RBFOX1: variants seen among roughly 807,000 people sequenced by gnomAD.
RBFOX1 encodes the protein RNA binding fox-1 homolog 1.
Under a neutral mutation model 57.7 loss-of-function variants are expected in RBFOX1, and 8 were observed. The observed-to-expected ratio is 0.14, with a 90% CI of 0.08 to 0.25. The LOEUF (loss-of-function observed/expected upper bound fraction) is 0.25, where lower values mean the gene tolerates loss of function less well. RBFOX1 is among the 10% of genes least tolerant of loss of function. The pLI, the probability that RBFOX1 is intolerant of heterozygous loss-of-function variation, is 1.00. For synonymous variants in RBFOX1, 326 were observed against 222.4 expected, an observed-to-expected ratio of 1.47 and a Z score of -4.15; for missense variants, 611 against 548.5, an observed-to-expected ratio of 1.11 and a Z score of -1.14.
chr16:5,900,833 C>T (rs1439160188), intron 4 of RBFOX1, among the ~76,000 whole-genome samples: 1 of 152,208 alleles, frequency 6.6e-6, no homozygotes, highest in Admixed American at 6.5e-5. Context: ...CAGGAAGCTG[C>T]AGGAGCTCCC....
intron 3 of RBFOX1, among the ~76,000 whole-genome samples, chr16:5,795,939 A>T (rs1291934057): frequency 6.6e-6 from 1 of 152,206 alleles, no homozygotes. Context: ...AACACTCACC[A>T]GTTGCATCAA....
At chr16:6,487,954 C>G (rs1281993357) in intron 2 of RBFOX1, among the ~76,000 whole-genome samples, 3 of 151,812 alleles carry the variant, frequency 2.0e-5, no homozygotes, top group Non-Finnish European at 4.4e-5. Context: ...GTTAAGTTTT[C>G]TAACCTGGTT....
At position 7,211,853 on chromosome 16, in the gene RBFOX1, G is replaced by C. The variant is rs6500926; in HGVS notation, c.27+159755G>C. ...GCCCTTAGCACGAGGTGGTTGCAGC[G>C]TTTCCTAATATAAATGCAAGCAAAA... On this transcript the variant is annotated intron_variant, in intron 4 of 15. Transcript: ENST00000550418. 4.6e-5 allele frequency among the ~76,000 whole-genome samples: 7 copies of C among 151,890 alleles called. No individual in the cohort carries two copies. The South Asian group carries it at 6.2e-4, about 14-fold the overall frequency.
chr16:5,599,260 A>G (rs933147243), exon 3 of RBFOX1: 4 of 671,126 alleles, frequency 6.0e-6, no homozygotes, highest in African/African-American at 1.8e-5. Flanking sequence ...CAAGGCTGCA[A>G]ATTGGTCCCT....
chr16:5,995,444 GT>G (rs1204194473), intron 4 of RBFOX1, among the ~76,000 whole-genome samples: 2 of 152,062 alleles, frequency 1.3e-5, no homozygotes, highest in Admixed American at 6.6e-5. Context: ...TTTATCAAAG[GT>G]TTTTGAAGAG....
chr16:6,826,725 C>G (rs1021274115), intron 3 of RBFOX1, among the ~76,000 whole-genome samples: 1 of 152,034 alleles, frequency 6.6e-6, no homozygotes, highest in African/African-American at 2.4e-5. Flanking sequence ...ATTTTTCTCA[C>G]GCTCATTTCT....
chr16:7,656,351 G>A (rs2066293109), intron 12 of RBFOX1, among the ~76,000 whole-genome samples: 1 of 152,134 alleles, frequency 6.6e-6, no homozygotes, highest in South Asian at 2.1e-4. Flanking sequence ...TTTTCCTCTG[G>A]AATAAACAGA....
Position 7,571,591 on chromosome 16 carries a change from TG to T in RBFOX1, c.271-8182del, listed in dbSNP as rs569732466. Among the ~76,000 whole-genome samples, 254 of 152,226 alleles carry T rather than the reference TG, an allele frequency of 1.7e-3. 1 individual carries two copies. The highest frequency in any genetic ancestry group is 2.8e-3 in the Admixed American group (42 of 15,272). On this transcript the variant is annotated intron_variant, in intron 5 of 15. Coordinates refer to ENST00000550418, the MANE Select transcript of RBFOX1 (RefSeq NM_018723.4). ...AACATTTATAACCTGCGCCGATACC[TG>T]GGGAGTTTGTGTATTAAGAAAAATT...
intron 2 of RBFOX1, among the ~76,000 whole-genome samples, chr16:6,393,988 C>T (rs916849167): frequency 6.6e-6 from 1 of 152,148 alleles, no homozygotes; most frequent in African/African-American, 2.4e-5. Context: ...TCTTGGAAGG[C>T]GTTTTCATTT....
intron 3 of RBFOX1, among the ~76,000 whole-genome samples, chr16:5,663,530 G>A (rs773351545): frequency 1.1e-4 from 16 of 152,162 alleles, no homozygotes; most frequent in Non-Finnish European, 1.6e-4. Context: ...ATAGCCAATT[G>A]AAATAGCTTC....
rs533929514 is a variant in RBFOX1, at chr16:5,962,635, G to C, written c.351+95300G>C. ...CATTCACTGAGCAAATGTTGTTTATGATGATATGTAAAGCACTGAGAAATG... is the reference window on the plus strand; with the variant it reads ...CATTCACTGAGCAAATGTTGTTTATCATGATATGTAAAGCACTGAGAAATG... On this transcript the variant is annotated intron_variant, in intron 4 of 19. Transcript: ENST00000641259. Among the ~76,000 whole-genome samples the C allele has an allele frequency of 1.2e-4, 18 of 152,170 alleles. No homozygotes were observed. The Middle Eastern group carries it at 0.01, about 86-fold the overall frequency.
chr16:6,581,963 A>T (rs934103919), intron 2 of RBFOX1, among the ~76,000 whole-genome samples: 2 of 152,194 alleles, frequency 1.3e-5, no homozygotes, highest in African/African-American at 4.8e-5. Flanking sequence ...TTCCCAAAGG[A>T]TATTGATAAT....
chr16:5,402,253 G>A (rs1356699572), intron 1 of RBFOX1, among the ~76,000 whole-genome samples: 1 of 152,092 alleles, frequency 6.6e-6, no homozygotes, highest in African/African-American at 2.4e-5. Flanking sequence ...AGGAACTGGA[G>A]GATAAATACC....
At chr16:6,611,601 C>T (rs903467189) in intron 2 of RBFOX1, among the ~76,000 whole-genome samples, 1 of 152,206 alleles carries the variant, frequency 6.6e-6, no homozygotes, top group African/African-American at 2.4e-5. Flanking sequence ...TATCCGTGTT[C>T]CGCTGTTCAA....
At chr16:6,071,863 T>C (rs1288479853) in intron 1 of RBFOX1, among the ~76,000 whole-genome samples, 1 of 152,214 alleles carries the variant, frequency 6.6e-6, no homozygotes, top group East Asian at 1.9e-4. Flanking sequence ...CTGGCTTATT[T>C]CACTAGAATA....
intron 3 of RBFOX1, among the ~76,000 whole-genome samples, chr16:6,672,062 C>T (rs1005743557): frequency 3.3e-5 from 5 of 152,166 alleles, no homozygotes; most frequent in African/African-American, 7.2e-5. Context: ...TGAACCCATC[C>T]GATAGTTGTT....
chr16:5,601,008 G>T (rs182292648), downstream of RBFOX1, among the ~76,000 whole-genome samples: 1 of 152,312 alleles, frequency 6.6e-6, no homozygotes. Flanking sequence ...TGGAGTACCA[G>T]GAGTCTTGCA....
intron 4 of RBFOX1, among the ~76,000 whole-genome samples, chr16:7,395,797 C>G (rs1261260804): frequency 2.0e-5 from 3 of 152,200 alleles, no homozygotes; most frequent in African/African-American, 4.8e-5. Context: ...TATTTACCCT[C>G]AAAGACTAGA....
chr16:6,472,767 C>T (rs999482632), intron 2 of RBFOX1, among the ~76,000 whole-genome samples: 3 of 151,850 alleles, frequency 2.0e-5, no homozygotes, highest in Non-Finnish European at 4.4e-5. Context: ...GGATTACAGG[C>T]GTGCGCCACC....
Sources: gnomAD v4.1 joint callset for allele counts (sites outside exome capture counted in the v4.1 genomes callset) on GRCh38, gnomAD v4.1.1 for gene constraint, MANE v1.5 for transcripts, NCBI Gene and HGNC (gene_info 2026-07-23, HGNC 2026-07-21) for gene names.